Variants in GPC5 observed in about 807,000 individuals in gnomAD.
GPC5 encodes glypican-5.
In GPC5, 47 loss-of-function variants were observed where a neutral mutation model predicts 53.9. The ratio of observed to expected loss-of-function variants is 0.87; its 90% CI spans 0.69 to 1.11. The LOEUF (loss-of-function observed/expected upper bound fraction) is 1.11. GPC5 is among the 50% of genes most tolerant of loss of function. The pLI, the probability that GPC5 is intolerant of heterozygous loss-of-function variation, is 0.00. For synonymous variants in GPC5, 286 were observed against 263.3 expected, an observed-to-expected ratio of 1.09 and a Z score of -0.84; for missense variants, 748 against 713.1, an observed-to-expected ratio of 1.05 and a Z score of -0.56.
chr13:92,512,483 AAT>A (rs1367658231), intron 7 of GPC5, among the ~76,000 whole-genome samples: 2 of 152,062 alleles, frequency 1.3e-5, no homozygotes, highest in African/African-American at 4.8e-5. Context: ...AGACAATAAA[AAT>A]ATTATATATA....
chr13:91,551,171 T>A (rs16952882), intron 2 of GPC5, among the ~76,000 whole-genome samples: 130,134 of 151,804 alleles, frequency 0.86, 57,252 homozygotes, highest in East Asian at 1. Context: ...AAAACAGTGA[T>A]TCTTGGTGGG....
intron 2 of GPC5, among the ~76,000 whole-genome samples, chr13:91,496,860 G>A (rs562253953): frequency 6.6e-6 from 1 of 152,232 alleles, no homozygotes; most frequent in Admixed American, 6.5e-5. Flanking sequence ...CACATTGCAT[G>A]CCTGTATTAA....
chr13:92,608,206 A>T (rs2139091073), intron 7 of GPC5, among the ~76,000 whole-genome samples: 1 of 152,224 alleles, frequency 6.6e-6, no homozygotes, highest in African/African-American at 2.4e-5. Context: ...TTATATTTGG[A>T]TTTTCAGCTG....
intron 2 of GPC5, chr13:91,486,344 T>G (rs1883607728): frequency 6.6e-6 from 1 of 152,248 alleles, no homozygotes; most frequent in African/African-American, 2.4e-5. Context: ...TAAGCCAGAT[T>G]GCTTCTTAAC....
At chr13:92,491,160 C>T (rs927244374) in intron 7 of GPC5, among the ~76,000 whole-genome samples, 2 of 151,992 alleles carry the variant, frequency 1.3e-5, no homozygotes, top group Non-Finnish European at 2.9e-5. Flanking sequence ...CTATCAGATC[C>T]ATGTTAATTA....
intron 2 of GPC5, among the ~76,000 whole-genome samples, chr13:91,483,184 C>T (rs953585807): frequency 6.6e-6 from 1 of 152,114 alleles, no homozygotes; most frequent in Non-Finnish European, 1.5e-5. Flanking sequence ...TTTAGGAAGG[C>T]ATCATAGTAG....
chr13:92,267,890 A>G (rs2042813424), intron 7 of GPC5, among the ~76,000 whole-genome samples: 1 of 152,092 alleles, frequency 6.6e-6, no homozygotes, highest in African/African-American at 2.4e-5. Flanking sequence ...AATTTTTAGC[A>G]GGATATAGGC....
chr13:92,532,033 T>G (rs9516090), intron 7 of GPC5, among the ~76,000 whole-genome samples: 67,362 of 151,878 alleles, frequency 0.44, 15,570 homozygotes, highest in African/African-American at 0.56. Flanking sequence ...TCACCCTGGG[T>G]CTACTTCCAA....
At chr13:92,012,999 C>G (rs966453341) in intron 6 of GPC5, among the ~76,000 whole-genome samples, 1 of 152,188 alleles carries the variant, frequency 6.6e-6, no homozygotes, top group Non-Finnish European at 1.5e-5. Flanking sequence ...TTGTGGGGGC[C>G]TGTGACCCCG....
intron 6 of GPC5, among the ~76,000 whole-genome samples, chr13:92,015,655 G>A (rs1348808684): frequency 6.6e-6 from 1 of 152,074 alleles, no homozygotes; most frequent in African/African-American, 2.4e-5. Flanking sequence ...TATATTTTGT[G>A]CCTAGTAAGC....
intron 5 of GPC5, among the ~76,000 whole-genome samples, chr13:91,861,461 T>C (rs1230460563): frequency 2.0e-5 from 3 of 152,122 alleles, no homozygotes; most frequent in African/African-American, 7.2e-5. Context: ...AATTATGAGA[T>C]GCCCCCATTT....
intron 7 of GPC5, among the ~76,000 whole-genome samples, chr13:92,636,798 G>A (rs1005725551): frequency 2.6e-5 from 4 of 152,144 alleles, no homozygotes; most frequent in African/African-American, 9.7e-5. Context: ...CCAAATTACT[G>A]ATTATATATT....
intron 7 of GPC5, among the ~76,000 whole-genome samples, chr13:92,316,774 A>G (rs1414991320): frequency 2.6e-5 from 4 of 152,100 alleles, no homozygotes; most frequent in Admixed American, 2.6e-4. Context: ...TAATATTCTA[A>G]ATGAGAAAAG....
chr13:92,344,912 A>G (rs1347621326), intron 7 of GPC5, among the ~76,000 whole-genome samples: 1 of 152,200 alleles, frequency 6.6e-6, no homozygotes, highest in African/African-American at 2.4e-5. Flanking sequence ...TGATATGAGA[A>G]TATGAGTAAA....
rs149951581 is a variant in GPC5, at chr13:91,883,935, C to T, written c.1281-24002C>T. 5.5e-3 allele frequency among the ~76,000 whole-genome samples: 843 copies of T among 152,070 alleles called. 13 individuals are homozygous for T. Among genetic ancestry groups the T allele is most frequent in the African/African-American group, 0.019 (805 of 41,480 alleles). On this transcript the variant is annotated intron_variant, in intron 5 of 7. Coordinates refer to ENST00000377067, the MANE Select transcript of GPC5 (RefSeq NM_004466.6). ...GTTGTTTTTCCTGATCCTCTCCCTC[C>T]TCCCAGCTTTCACCCCCCTTTTCAA...
intron 5 of GPC5, among the ~76,000 whole-genome samples, chr13:91,810,477 G>C (rs1226953557): frequency 6.6e-6 from 1 of 151,904 alleles, no homozygotes; most frequent in African/African-American, 2.4e-5. Flanking sequence ...CAATTATGTA[G>C]TCTGTATAAG....
chr13:92,183,244 G>T (rs2042160530), intron 7 of GPC5, among the ~76,000 whole-genome samples: 1 of 152,160 alleles, frequency 6.6e-6, no homozygotes, highest in South Asian at 2.1e-4. Context: ...TAATAACCAA[G>T]AATGCCTGGC....
At chr13:92,614,787 T>G (rs893037433) in intron 7 of GPC5, among the ~76,000 whole-genome samples, 1 of 152,200 alleles carries the variant, frequency 6.6e-6, no homozygotes, top group Admixed American at 6.5e-5. Context: ...GAATCAAGGT[T>G]ATTTCAAATT....
chr13:92,728,398 T>G (rs1888704162), intron 7 of GPC5, among the ~76,000 whole-genome samples: 1 of 151,432 alleles, frequency 6.6e-6, no homozygotes, highest in African/African-American at 2.4e-5. Context: ...AGAAATTGAA[T>G]GTTAATTTTT....
Sources: gnomAD v4.1 joint callset for allele counts (sites outside exome capture counted in the v4.1 genomes callset) on GRCh38, gnomAD v4.1.1 for gene constraint, MANE v1.5 for transcripts, NCBI Gene and HGNC (gene_info 2026-07-23, HGNC 2026-07-21) for gene names.